CTIF: variants seen among roughly 807,000 people sequenced by gnomAD.
The protein encoded by CTIF is CBP80/20-dependent translation initiation factor.
A neutral mutation model predicts 66.0 loss-of-function variants in CTIF; 21 were observed. That is an observed-to-expected ratio of 0.32 (90% CI 0.23 to 0.46). The LOEUF (loss-of-function observed/expected upper bound fraction) is 0.46, where lower values mean the gene tolerates loss of function less well. CTIF is among the 20% of genes least tolerant of loss of function. The pLI is 1.00. For missense variants in CTIF, 739 were observed against 812.7 expected, an observed-to-expected ratio of 0.91 and a Z score of 1.10; for synonymous variants, 345 against 326.4, an observed-to-expected ratio of 1.06 and a Z score of -0.62.
At chr18:48,691,772 C>G (rs2091928945) in intron 6 of CTIF, among the ~76,000 whole-genome samples, 1 of 152,200 alleles carries the variant, frequency 6.6e-6, no homozygotes, top group African/African-American at 2.4e-5. Context: ...TGGCCTGAGA[C>G]AGATCTGAAG....
rs527724481 is a variant in CTIF, at chr18:48,747,270, C to T, written c.585-10649C>T. Among the ~76,000 whole-genome samples the T allele has an allele frequency of 5.9e-5, 9 of 152,352 alleles. No homozygotes were observed. In the South Asian group the frequency reaches 1.4e-3, roughly 25 times the overall value. ...CTATGATGGATGAGGAAGCCACCAT[C>T]GGCCAGCTTGCCAACTGGTGCTGAG... On this transcript the variant is annotated intron_variant, in intron 7 of 11. Coordinates refer to ENST00000256413, the MANE Select transcript of CTIF (RefSeq NM_014772.3).
rs2069444440 is a variant in CTIF at position 48,860,627 on chromosome 18, AT to A, written c.*1069del. The A allele has an allele frequency of 6.6e-6, 1 of 152,362 alleles. No individual in the cohort carries two copies. Among genetic ancestry groups the A allele is most frequent in the Non-Finnish European group, 1.5e-5 (1 of 68,282 alleles). The allele number at this position is 152,362 out of a possible 1,614,324, so 9.4% of individuals were successfully genotyped here. On this transcript the variant is annotated 3_prime_UTR_variant, in exon 12 of 12. Coordinates refer to ENST00000256413, the MANE Select transcript of CTIF (RefSeq NM_014772.3). ...TGGCAAATTAAAACCAAAATTCTAG[AT>A]GGTGTCTTGCGCTCCACACGCAGGT...
intron 3 of CTIF, among the ~76,000 whole-genome samples, chr18:48,648,018 G>A (rs1426233445): frequency 1.3e-5 from 2 of 152,202 alleles, no homozygotes; most frequent in Admixed American, 6.5e-5. Flanking sequence ...AGGAGCTGGG[G>A]ACAGTTGAGG....
chr18:48,594,466 G>A (rs1339956244), intron 1 of CTIF, among the ~76,000 whole-genome samples: 2 of 152,114 alleles, frequency 1.3e-5, no homozygotes, highest in African/African-American at 2.4e-5. Context: ...TGGCTATGGA[G>A]TAGCCGGCAG....
At chr18:48,653,548 G>A (rs1454566365) in intron 3 of CTIF, among the ~76,000 whole-genome samples, 6 of 152,146 alleles carry the variant, frequency 3.9e-5, no homozygotes, top group South Asian at 2.1e-4. Context: ...TAGCCATACT[G>A]CCCAAGGTAA....
At chr18:48,730,997 G>A (rs972758173) in intron 7 of CTIF, among the ~76,000 whole-genome samples, 6 of 152,234 alleles carry the variant, frequency 3.9e-5, no homozygotes, top group East Asian at 3.9e-4. Flanking sequence ...GGGCAGTTGG[G>A]GGAGAAGAGA....
chr18:48,846,649 G>C (rs994644034), intron 10 of CTIF, among the ~76,000 whole-genome samples: 1 of 150,286 alleles, frequency 6.7e-6, no homozygotes, highest in African/African-American at 2.4e-5. Flanking sequence ...ATGAAAGAAT[G>C]GATGGGTGGG....
At chr18:48,802,743 G>T (rs1380035985) in intron 9 of CTIF, among the ~76,000 whole-genome samples, 1 of 152,214 alleles carries the variant, frequency 6.6e-6, no homozygotes, top group Non-Finnish European at 1.5e-5. Context: ...TAATCACTGA[G>T]GGCTGCCCTT....
chr18:48,741,848 G>A (rs924190405), intron 7 of CTIF, among the ~76,000 whole-genome samples: 2 of 152,148 alleles, frequency 1.3e-5, no homozygotes, highest in East Asian at 3.9e-4. Flanking sequence ...GCCACACTCA[G>A]CACAAGAAGG....
At chr18:48,651,935 C>T (rs1188917140) in intron 3 of CTIF, among the ~76,000 whole-genome samples, 2 of 152,180 alleles carry the variant, frequency 1.3e-5, no homozygotes, top group East Asian at 1.9e-4. Context: ...AAAGACACAA[C>T]GTACCAGAAT....
intron 6 of CTIF, among the ~76,000 whole-genome samples, chr18:48,700,523 C>T (rs901228305): frequency 2.6e-5 from 4 of 152,210 alleles, no homozygotes; most frequent in East Asian, 3.9e-4. Flanking sequence ...AGCATGGCTG[C>T]GCAGGTGGTT....
chr18:48,677,027 C>G (rs531833212), intron 6 of CTIF, among the ~76,000 whole-genome samples: 4 of 152,110 alleles, frequency 2.6e-5, no homozygotes, highest in Non-Finnish European at 5.9e-5. Flanking sequence ...CTGGGGCTGC[C>G]CCACACTGGG....
chr18:48,544,032 G>T (rs1292456726), intron 1 of CTIF, among the ~76,000 whole-genome samples: 1 of 152,158 alleles, frequency 6.6e-6, no homozygotes, highest in Non-Finnish European at 1.5e-5. Context: ...CCTGAGGCAG[G>T]GTCCTCAGGA....
At chr18:48,663,866 G>T (rs746763407) in intron 4 of CTIF, 41 bp downstream of exon 4, 19 of 1,584,822 alleles carry the variant, frequency 1.2e-5, no homozygotes, top group Middle Eastern at 1.7e-4. Flanking sequence ...GTGAGGTCCA[G>T]CCGGGGAAAC....
chr18:48,797,156 C>A (rs2067939249), intron 9 of CTIF, among the ~76,000 whole-genome samples: 1 of 152,136 alleles, frequency 6.6e-6, no homozygotes, highest in East Asian at 1.9e-4. Context: ...CCCTTCAAAT[C>A]CAACTTGTCT....
intron 10 of CTIF, among the ~76,000 whole-genome samples, chr18:48,852,425 A>AC (rs1959195112): frequency 6.6e-6 from 1 of 151,670 alleles, no homozygotes; most frequent in African/African-American, 2.4e-5. Flanking sequence ...GGACCCCATG[A>AC]CTCAGGTAGG....
At chr18:48,547,672 T>C (rs1004869323) in intron 1 of CTIF, among the ~76,000 whole-genome samples, 6 of 152,234 alleles carry the variant, frequency 3.9e-5, no homozygotes, top group Non-Finnish European at 7.3e-5. Flanking sequence ...AGATGGTTTC[T>C]AGACCTTTCA....
intron 9 of CTIF, among the ~76,000 whole-genome samples, chr18:48,766,925 T>C (rs1909619637): frequency 6.6e-6 from 1 of 152,214 alleles, no homozygotes; most frequent in African/African-American, 2.4e-5. Flanking sequence ...CCTTTTCCCA[T>C]TTTCCTTTTC....
intron 10 of CTIF, among the ~76,000 whole-genome samples, chr18:48,835,400 C>T (rs1428993203): frequency 6.6e-6 from 1 of 152,188 alleles, no homozygotes; most frequent in Non-Finnish European, 1.5e-5. Context: ...TTGCCATTGA[C>T]GATTTAGGTT....
Sources: gnomAD v4.1 joint callset for allele counts (sites outside exome capture counted in the v4.1 genomes callset) on GRCh38, gnomAD v4.1.1 for gene constraint, MANE v1.5 for transcripts, NCBI Gene and HGNC (gene_info 2026-07-23, HGNC 2026-07-21) for gene names.